Variants in EPHA5 observed in about 807,000 individuals in gnomAD.
The protein encoded by EPHA5 is ephrin type-A receptor 5.
Under a neutral mutation model 105.0 loss-of-function variants are expected in EPHA5, and 60 were observed. The ratio of observed to expected loss-of-function variants is 0.57; its 90% CI spans 0.46 to 0.71. EPHA5 has a LOEUF of 0.71. Among genes scored for constraint, EPHA5 ranks in the 30% least tolerant of loss-of-function variants. EPHA5 has a pLI of 0.00. For missense variants in EPHA5, 1,218 were observed against 1,274.7 expected (o/e 0.96, Z 0.68); for synonymous variants, 513 against 449.1 (o/e 1.14, Z -1.80).
chr4:65,667,896 A>G (rs1305345249), intron 1 of EPHA5, among the ~76,000 whole-genome samples: 1 of 152,154 alleles, frequency 6.6e-6, no homozygotes, highest in African/African-American at 2.4e-5. Context: ...TTTCGGTGGA[A>G]TAAGACAGTT....
chr4:65,560,414 G>A (rs1028366445), intron 3 of EPHA5, among the ~76,000 whole-genome samples: 4 of 151,896 alleles, frequency 2.6e-5, no homozygotes, highest in Admixed American at 6.6e-5. Flanking sequence ...CATAAGAAAC[G>A]GATATTTTTT....
chr4:65,419,213 T>C (rs1178598237), intron 6 of EPHA5, among the ~76,000 whole-genome samples: 1 of 152,020 alleles, frequency 6.6e-6, no homozygotes, highest in Middle Eastern at 3.2e-3. Flanking sequence ...CATGTATATA[T>C]GTATATATAT....
intron 3 of EPHA5, among the ~76,000 whole-genome samples, chr4:65,540,807 T>G (rs762250164): frequency 1.3e-5 from 2 of 150,324 alleles, no homozygotes; most frequent in Non-Finnish European, 3.0e-5. Flanking sequence ...TTTAATGGTA[T>G]GAGTTTCAGA....
chr4:65,386,784 T>TA (rs1720137983), intron 8 of EPHA5, among the ~76,000 whole-genome samples: 1 of 152,036 alleles, frequency 6.6e-6, no homozygotes, highest in Admixed American at 6.6e-5. Context: ...GGCAAAATAT[T>TA]AATACTGTTT....
At position 65,350,365 on chromosome 4, in the gene EPHA5, GT is replaced by G. The variant is rs199710797; in HGVS notation, c.2445+1023del. ...TCCCCATGAATCACAAAGCAAAAAT[GT>G]TTTAAAAAAAAAACCCTTATAATCT... On this transcript the variant is annotated intron_variant, in intron 13 of 16. Coordinates refer to ENST00000613740, the MANE Select transcript of EPHA5 (RefSeq NM_001281766.3). Among the ~76,000 whole-genome samples, 10 of 147,270 alleles carry G rather than the reference GT, an allele frequency of 6.8e-5. No homozygotes were observed. In the South Asian group the frequency reaches 1.6e-3, roughly 23 times the overall value.
intron 16 of EPHA5, among the ~76,000 whole-genome samples, chr4:65,324,893 A>G (rs1719931831): frequency 6.6e-6 from 1 of 151,084 alleles, no homozygotes. Context: ...ATTTTTTTCA[A>G]CATGCTTATT....
At chr4:65,554,876 A>G (rs1365457200) in intron 3 of EPHA5, among the ~76,000 whole-genome samples, 2 of 151,160 alleles carry the variant, frequency 1.3e-5, no homozygotes, top group Non-Finnish European at 3.0e-5. Flanking sequence ...TCCATTATTC[A>G]TAATCCATAA....
chr4:65,627,639 T>C (rs1293842739), intron 2 of EPHA5, among the ~76,000 whole-genome samples: 3 of 152,158 alleles, frequency 2.0e-5, no homozygotes, highest in Non-Finnish European at 4.4e-5. Flanking sequence ...TATCTCATGA[T>C]AGCATTGCCA....
intron 16 of EPHA5, chr4:65,331,573 A>G (rs1042027123): frequency 3.8e-6 from 4 of 1,059,266 alleles, no homozygotes; most frequent in Non-Finnish European, 4.6e-6. Flanking sequence ...AAATGTACAA[A>G]TATGTTTGGT....
rs183212379 is a variant in EPHA5 at position 65,457,200 on chromosome 4, A to G, written c.1402+33177T>C. Among the ~76,000 whole-genome samples, 286 of 152,242 alleles carry G rather than the reference A, an allele frequency of 1.9e-3. 3 individuals are homozygous for G. Among genetic ancestry groups the G allele is most frequent in the African/African-American group, 6.6e-3 (275 of 41,560 alleles). The stretch of plus-strand genomic sequence containing the variant: ...TGAGCTGCACAGGAAGAGACTGCAT[A>G]CTGTTTTTGTTAATGGGATTTAGTT... On this transcript the variant is annotated intron_variant, in intron 5 of 16. Coordinates refer to ENST00000613740, the MANE Select transcript of EPHA5 (RefSeq NM_001281766.3).
intron 3 of EPHA5, among the ~76,000 whole-genome samples, chr4:65,519,698 T>C (rs1266145419): frequency 1.3e-5 from 2 of 152,044 alleles, no homozygotes; most frequent in South Asian, 2.1e-4. Flanking sequence ...ACAAAATCAA[T>C]GTGCAAAAAT....
At chr4:65,353,748 A>T (rs1723049208) in intron 11 of EPHA5, among the ~76,000 whole-genome samples, 1 of 151,784 alleles carries the variant, frequency 6.6e-6, no homozygotes, top group African/African-American at 2.4e-5. Context: ...TTGAATGTAT[A>T]TTGCATTTTC....
At chr4:65,424,380 T>A (rs1724224036) in intron 5 of EPHA5, among the ~76,000 whole-genome samples, 1 of 152,100 alleles carries the variant, frequency 6.6e-6, no homozygotes, top group African/African-American at 2.4e-5. Flanking sequence ...TGACTTCAGG[T>A]ATTTTGGCAG....
At chr4:65,561,219 T>A (rs1738978438) in intron 3 of EPHA5, among the ~76,000 whole-genome samples, 2 of 151,936 alleles carry the variant, frequency 1.3e-5, no homozygotes, top group African/African-American at 4.8e-5. Context: ...CCCTTGTTCT[T>A]AAAAATAAAT....
chr4:65,635,442 A>C (rs1747031937), intron 2 of EPHA5, among the ~76,000 whole-genome samples: 3 of 152,120 alleles, frequency 2.0e-5, no homozygotes, highest in Admixed American at 2.0e-4. Context: ...AGCAAAAATC[A>C]AAGCAGAATT....
chr4:65,465,929 G>C (rs1006319340), intron 5 of EPHA5, among the ~76,000 whole-genome samples: 1 of 152,110 alleles, frequency 6.6e-6, no homozygotes, highest in Admixed American at 6.6e-5. Context: ...GGCATTTGAC[G>C]ATACTTCAGT....
At chr4:65,510,633 T>C (rs1331061825) in intron 3 of EPHA5, among the ~76,000 whole-genome samples, 1 of 152,206 alleles carries the variant, frequency 6.6e-6, no homozygotes, top group Admixed American at 6.5e-5. Flanking sequence ...CAGCAGAAAC[T>C]AAGCACTCAA....
At chr4:65,647,794 T>C (rs560517013) in intron 1 of EPHA5, among the ~76,000 whole-genome samples, 2 of 152,308 alleles carry the variant, frequency 1.3e-5, no homozygotes, top group Non-Finnish European at 1.5e-5. Context: ...TTGGTTGATA[T>C]TGGTATTTTA....
At chr4:65,473,311 G>A (rs1191712127) in intron 5 of EPHA5, among the ~76,000 whole-genome samples, 1 of 152,038 alleles carries the variant, frequency 6.6e-6, no homozygotes, top group Admixed American at 6.5e-5. Context: ...CACATTTTCA[G>A]GTATCCTTAT....
Sources: gnomAD v4.1 joint callset for allele counts (sites outside exome capture counted in the v4.1 genomes callset) on GRCh38, gnomAD v4.1.1 for gene constraint, MANE v1.5 for transcripts, NCBI Gene and HGNC (gene_info 2026-07-23, HGNC 2026-07-21) for gene names.